The following OSMR variants were observed in gnomAD, a reference collection of about 807,000 sequenced individuals.
OSMR encodes the protein oncostatin-M-specific receptor subunit beta.
OSMR carries 81 observed loss-of-function variants against 99.9 expected under a neutral mutation model. The observed-to-expected ratio is 0.81, with a 90% confidence interval of 0.68 to 0.97. The LOEUF (loss-of-function observed/expected upper bound fraction) is 0.97. Among genes scored for constraint, OSMR ranks in the 50% least tolerant of loss-of-function variants. The pLI is 0.00. For synonymous variants in OSMR, 406 were observed against 410.4 expected (o/e 0.99, Z 0.13); for missense variants, 1,099 against 1,153.4 (o/e 0.95, Z 0.68).
In OSMR at chr5:38,931,940, T is replaced by C; in HGVS notation, c.2270T>C (p.Val757Ala). The change falls in exon 16 of 18, where the codon GTC becomes GCC. Residue 757 changes from valine (V) to alanine (A), a missense_variant. Transcript: ENST00000274276. Reference sequence around the variant, plus strand: ...GTTTTCTGCGTCTTGCTCATCATGGTCATGTGCTACTTGAAAAGTCAGTGG... The same window carrying C: ...GTTTTCTGCGTCTTGCTCATCATGGCCATGTGCTACTTGAAAAGTCAGTGG... The part of the protein sequence containing the change: ...PMVFCVLLIM[V>A]MCYLKSQWIK... The C allele has an allele frequency of 1.2e-6, 2 of 1,613,460 alleles. No homozygotes were observed. The highest frequency in any genetic ancestry group is 1.7e-4 in the Middle Eastern group (1 of 6,056).
At chr5:38,924,030 T>C (rs1746356917) in intron 13 of OSMR, among the ~76,000 whole-genome samples, 1 of 152,216 alleles carries the variant, frequency 6.6e-6, no homozygotes, top group South Asian at 2.1e-4. Context: ...TCCACTTCCT[T>C]CCTTCTTCCT....
chr5:38,914,383 G>C (rs1359808091), intron 9 of OSMR, among the ~76,000 whole-genome samples: 1 of 152,190 alleles, frequency 6.6e-6, no homozygotes, highest in African/African-American at 2.4e-5. Context: ...TTCTGGGGAA[G>C]CTGCAGGGAA....
chr5:38,916,556 A>T (rs1196345401), intron 9 of OSMR, among the ~76,000 whole-genome samples: 2 of 152,138 alleles, frequency 1.3e-5, no homozygotes, highest in African/African-American at 4.8e-5. Context: ...GCATCTAGTA[A>T]CCCCTCTATA....
intron 7 of OSMR, 146 bp from the exon 8 acceptor site, chr5:38,903,736 T>C: frequency 6.8e-7 from 1 of 1,469,980 alleles, no homozygotes; most frequent in African/African-American, 1.4e-5. Context: ...TCATTCTAGC[T>C]TGTCTGTAAG....
downstream of OSMR, among the ~76,000 whole-genome samples, chr5:38,937,239 T>C (rs1393656716): frequency 2.0e-5 from 3 of 152,132 alleles, no homozygotes; most frequent in Non-Finnish European, 4.4e-5. The surrounding 1 kb of genome is among the most constrained non-coding windows in gnomAD (Gnocchi z 4.0). Flanking sequence ...TTCACTGTGT[T>C]AGCCAGGATG....
intron 7 of OSMR, among the ~76,000 whole-genome samples, chr5:38,902,678 AC>A (rs1487974176): frequency 1.3e-5 from 2 of 152,116 alleles, no homozygotes; most frequent in East Asian, 3.9e-4. Context: ...CAACAAACAG[AC>A]CAACCAGGTT....
chr5:38,898,478 A>G (rs1744669738), intron 7 of OSMR, among the ~76,000 whole-genome samples: 1 of 152,118 alleles, frequency 6.6e-6, no homozygotes, highest in Non-Finnish European at 1.5e-5. Flanking sequence ...TCTTCAGTCT[A>G]TATGTGCCTT....
At chr5:38,907,792 G>A (rs919454283) in intron 9 of OSMR, among the ~76,000 whole-genome samples, 1 of 152,200 alleles carries the variant, frequency 6.6e-6, no homozygotes, top group Non-Finnish European at 1.5e-5. Context: ...CACCTTGCCA[G>A]TATGCACTTG....
In OSMR at chr5:38,866,993, T is replaced by C. The variant is rs570038662; in HGVS notation, c.-13-2039T>C. 7.9e-5 allele frequency among the ~76,000 whole-genome samples: 12 copies of C among 152,316 alleles called. No homozygotes were observed. The South Asian group carries it at 1.5e-3, about 18-fold the overall frequency. On this transcript the variant is annotated intron_variant, in intron 1 of 17. Coordinates refer to ENST00000274276, the MANE Select transcript of OSMR (RefSeq NM_003999.3). ...TCTCAGGGGTTCTCTGTCACTTCCC[T>C]GCTGAATTCCAGTGGTTTCTCTTCG...
At chr5:38,887,464 ACT>A (rs1743857997) in intron 7 of OSMR, among the ~76,000 whole-genome samples, 1 of 152,036 alleles carries the variant, frequency 6.6e-6, no homozygotes, top group East Asian at 1.9e-4. Context: ...TTATCAAATA[ACT>A]CTTCCCTCCC....
intron 1 of OSMR, among the ~76,000 whole-genome samples, chr5:38,861,916 C>T (rs1376764790): frequency 2.1e-4 from 28 of 132,780 alleles, no homozygotes; most frequent in East Asian, 3.3e-4. Context: ...GCTGGCCGGG[C>T]GGGGGGCTGA....
At chr5:38,927,179 A>T (rs930947897) in intron 15 of OSMR, among the ~76,000 whole-genome samples, 1 of 151,932 alleles carries the variant, frequency 6.6e-6, no homozygotes, top group African/African-American at 2.4e-5. Flanking sequence ...GCTGGCATTG[A>T]GTGTCTTGGC....
In OSMR at chr5:38,919,036, T is replaced by A. The variant is rs1746091239; in HGVS notation, c.1559T>A (p.Ile520Lys). Residue 520 changes from isoleucine (I) to lysine (K), a missense_variant, in exon 11 of 18, where the codon ATA becomes AAA. Physicochemically the swap from Ile to Lys is moderately radical, Grantham distance 102. Transcript: ENST00000274276. ...NSVGASPASV[I>K]VISADPENKE... ...GTGGGTGCTTCTCCTGCTTCTGTAA[T>A]AGTCATCTCTGCAGACCCCGAAAAC... is the stretch of plus-strand genomic sequence containing the variant. 6.2e-7 allele frequency: 1 copy of A among 1,613,928 alleles called. No homozygotes were observed. The highest frequency in any genetic ancestry group is 1.7e-5 in the Admixed American group (1 of 60,014).
At chr5:38,911,622 C>T (rs1246704482) in intron 9 of OSMR, among the ~76,000 whole-genome samples, 2 of 152,164 alleles carry the variant, frequency 1.3e-5, no homozygotes. Flanking sequence ...GAGAAAACTT[C>T]AGGTCAATAT....
At chr5:38,940,839 C>A (rs1380208574) in intron 1 of OSMR, 1 of 232,052 alleles carries the variant, frequency 4.3e-6, no homozygotes, top group East Asian at 6.1e-5. Flanking sequence ...TCTCAAAGAA[C>A]AAGCCCATTA....
Position 38,931,944 on chromosome 5 carries a change from G to A in OSMR, c.2274G>A (p.Met758Ile). The part of the protein sequence containing the change: ...MVFCVLLIMV[M>I]CYLKSQWIKE... ...TCTGCGTCTTGCTCATCATGGTCAT[G>A]TGCTACTTGAAAAGTCAGTGGTAAG... The change falls in exon 16 of 18, where the codon ATG (methionine) becomes ATA (isoleucine). Residue 758 changes from methionine (M) to isoleucine (I), a missense_variant. Transcript: ENST00000274276. The A allele has an allele frequency of 6.2e-7, 1 of 1,613,282 alleles. No homozygotes were observed. Among genetic ancestry groups the A allele is most frequent in the Non-Finnish European group, 8.5e-7 (1 of 1,179,330 alleles).
At position 38,904,419 on chromosome 5, in the gene OSMR, A is replaced by C; in HGVS notation, c.1201A>C (p.Met401Leu). ...TGAACTGGAACCTGCCACAGAGTAC[A>C]TGGCGCGAGTACGGTGTGCTGATGC... ...LSELEPATEY[M>L]ARVRCADASH... The change falls in exon 9 of 18, where the codon ATG (methionine) becomes CTG (leucine). Residue 401 changes from methionine to leucine, a missense_variant. Transcript: ENST00000274276. 1.2e-6 allele frequency: 2 copies of C among 1,614,170 alleles called. No individual in the cohort carries two copies. The highest frequency in any genetic ancestry group is 1.7e-6 in the Non-Finnish European group (2 of 1,180,024).
chr5:38,918,911 A>T lies in OSMR; in HGVS notation c.1434A>T (p.Pro478=). 1 of 1,614,110 alleles carries T rather than the reference A, an allele frequency of 6.2e-7. No homozygotes were observed. The highest frequency in any genetic ancestry group is 2.2e-5 in the East Asian group (1 of 44,878). The change falls in exon 11 of 18, where the codon CCA becomes CCT. Residue 478 remains proline (P), a synonymous_variant. Coordinates refer to ENST00000274276, the MANE Select transcript of OSMR (RefSeq NM_003999.3). ...TAGTTGTAGAAAACCTAGACAAACCATCCAGTTCAGAGCTCCATTCCATTC... is the reference window on the plus strand; with the variant it reads ...TAGTTGTAGAAAACCTAGACAAACCTTCCAGTTCAGAGCTCCATTCCATTC... The part of the protein sequence containing the change: ...YNVVVENLDK[P]SSSELHSIPA...
intron 7 of OSMR, among the ~76,000 whole-genome samples, chr5:38,896,841 T>C (rs1744552614): frequency 6.6e-6 from 1 of 151,910 alleles, no homozygotes; most frequent in African/African-American, 2.4e-5. Flanking sequence ...GTTTTTTTTT[T>C]AGTGCTTTTA....
Sources: gnomAD v4.1 joint callset for allele counts (sites outside exome capture counted in the v4.1 genomes callset) on GRCh38, gnomAD v4.1.1 for gene constraint, Gnocchi (gnomAD v3.1) non-coding constraint, MANE v1.5 for transcripts, NCBI Gene and HGNC (gene_info 2026-07-23, HGNC 2026-07-21) for gene names.